KCNH5: variants seen among roughly 807,000 people sequenced by gnomAD.
The protein encoded by KCNH5 is voltage-gated delayed rectifier potassium channel KCNH5.
A neutral mutation model predicts 96.1 loss-of-function variants in KCNH5; 46 were observed. That is an observed-to-expected ratio of 0.48 (90% CI 0.38 to 0.61). The LOEUF is 0.61. KCNH5 is among the 20% of genes least tolerant of loss of function. The pLI, the probability that KCNH5 is intolerant of heterozygous loss-of-function variation, is 0.00. For missense variants in KCNH5, 907 were observed against 1,225.8 expected (o/e 0.74, Z 3.88); for synonymous variants, 439 against 449.8 (o/e 0.98, Z 0.30).
At chr14:62,801,613 T>C (rs1488153745) in intron 9 of KCNH5, among the ~76,000 whole-genome samples, 3 of 151,578 alleles carry the variant, frequency 2.0e-5, no homozygotes, top group Non-Finnish European at 4.4e-5. Flanking sequence ...ATTGTTGTGG[T>C]TGTGGTTAGT....
chr14:62,832,947 C>T (rs1479066104), intron 8 of KCNH5, among the ~76,000 whole-genome samples: 1 of 151,796 alleles, frequency 6.6e-6, no homozygotes, highest in Non-Finnish European at 1.5e-5. Flanking sequence ...GTCCTTTGCC[C>T]ATTTTTAAAT....
chr14:62,979,488 A>T (rs533590456), intron 6 of KCNH5, among the ~76,000 whole-genome samples: 68 of 152,172 alleles, frequency 4.5e-4, no homozygotes, highest in African/African-American at 1.6e-3. Flanking sequence ...AGAAAAAGTC[A>T]CTGAAGAAAA....
chr14:62,990,538 T>A (rs995592975), intron 4 of KCNH5, among the ~76,000 whole-genome samples: 5 of 152,084 alleles, frequency 3.3e-5, no homozygotes, highest in Admixed American at 3.3e-4. Context: ...AAAATAGGAC[T>A]ATCATTGATT....
At chr14:62,840,880 C>T (rs1887571793) in intron 8 of KCNH5, among the ~76,000 whole-genome samples, 1 of 152,052 alleles carries the variant, frequency 6.6e-6, no homozygotes, top group African/African-American at 2.4e-5. Context: ...CTCTTTCTTA[C>T]ATAACAATTT....
chr14:62,780,070 C>T, intron 9 of KCNH5, 146 bp from the exon 10 acceptor site: 2 of 486,676 alleles, frequency 4.1e-6, no homozygotes, highest in East Asian at 3.4e-5. Context: ...CATAACAATA[C>T]ACAATGCTTT....
chr14:62,834,757 A>T (rs957159480), intron 8 of KCNH5, among the ~76,000 whole-genome samples: 5 of 152,122 alleles, frequency 3.3e-5, no homozygotes, highest in Admixed American at 2.0e-4. Context: ...AAAAGAAAAA[A>T]TAACATTTAA....
Position 62,855,645 on chromosome 14 carries a change from T to C in KCNH5, c.1370-5793A>G, listed in dbSNP as rs546723732. 3.3e-5 allele frequency among the ~76,000 whole-genome samples: 5 copies of C among 152,334 alleles called. No individual in the cohort carries two copies. In the South Asian group the frequency reaches 1.0e-3, roughly 32 times the overall value. ...CCTGGAGGAAGAGGGTAGTGAGTCC[T>C]TTATGACACACATCACAGCCCAAGA... On this transcript the variant is annotated intron_variant, in intron 7 of 10. Transcript: ENST00000322893.
chr14:62,913,821 C>T lies in KCNH5; in HGVS notation c.1369+36312G>A, dbSNP rs1441389219. Among the ~76,000 whole-genome samples, 7 of 152,158 alleles carry T rather than the reference C, an allele frequency of 4.6e-5. No homozygotes were observed. The East Asian group carries it at 1.2e-3, about 25-fold the overall frequency. ...TTAAAGCATCTGTAGGGCAGTAATA[C>T]ACCCCTGAAGCTTTTTTAAAAAATT... On this transcript the variant is annotated intron_variant, in intron 7 of 10. Coordinates refer to ENST00000322893, the MANE Select transcript of KCNH5 (RefSeq NM_139318.5).
chr14:63,016,977 G>T (rs773798546), intron 1 of KCNH5, 23 bp from the exon 2 acceptor site: 1 of 1,590,954 alleles, frequency 6.3e-7, no homozygotes, highest in South Asian at 1.2e-5. Flanking sequence ...GGAGAAAAAA[G>T]GAGGTTATTT....
At chr14:62,897,537 A>G (rs1888838519) in intron 7 of KCNH5, among the ~76,000 whole-genome samples, 1 of 152,190 alleles carries the variant, frequency 6.6e-6, no homozygotes, top group Admixed American at 6.6e-5. Flanking sequence ...GGGGGGAAAA[A>G]AAACTGCACG....
intron 8 of KCNH5, among the ~76,000 whole-genome samples, chr14:62,812,799 A>G (rs1310005942): frequency 6.6e-6 from 1 of 152,126 alleles, no homozygotes; most frequent in Admixed American, 6.6e-5. Flanking sequence ...ACACTTATCT[A>G]TGTGTAGATA....
At chr14:62,888,130 A>T (rs1276755580) in intron 7 of KCNH5, among the ~76,000 whole-genome samples, 2 of 152,162 alleles carry the variant, frequency 1.3e-5, no homozygotes, top group Non-Finnish European at 2.9e-5. Context: ...TACTAATAAA[A>T]CCTATTTTAT....
At chr14:63,018,819 C>A (rs758307569) in intron 1 of KCNH5, among the ~76,000 whole-genome samples, 48 of 151,950 alleles carry the variant, frequency 3.2e-4, no homozygotes, top group Admixed American at 5.9e-4. Context: ...CAGAAACAAT[C>A]AAAAATTATT....
chr14:63,034,318 A>C (rs534709360), intron 1 of KCNH5, among the ~76,000 whole-genome samples: 27 of 152,312 alleles, frequency 1.8e-4, no homozygotes, highest in African/African-American at 6.5e-4. Context: ...CATATATAGC[A>C]ATTGTATTTG....
intron 8 of KCNH5, among the ~76,000 whole-genome samples, chr14:62,827,386 T>A (rs1263561616): frequency 6.6e-6 from 1 of 152,186 alleles, no homozygotes; most frequent in Non-Finnish European, 1.5e-5. Context: ...ATAATCTCCA[T>A]TTTTAACAAA....
chr14:62,708,988 G>A (rs1884506293), intron 10 of KCNH5, among the ~76,000 whole-genome samples: 1 of 152,018 alleles, frequency 6.6e-6, no homozygotes. Flanking sequence ...GCTCACGCCT[G>A]TAATCCCAGC....
intron 8 of KCNH5, among the ~76,000 whole-genome samples, chr14:62,829,520 C>T (rs900024607): frequency 1.3e-5 from 2 of 152,204 alleles, no homozygotes; most frequent in Non-Finnish European, 2.9e-5. Flanking sequence ...AAGTCACCAA[C>T]GCTTGGGGCT....
intron 7 of KCNH5, among the ~76,000 whole-genome samples, chr14:62,862,434 C>T (rs1888055489): frequency 6.6e-6 from 1 of 152,264 alleles, no homozygotes; most frequent in South Asian, 2.1e-4. Context: ...TTTGTTCATA[C>T]AGTTCCCTTG....
At chr14:62,985,649 G>A (rs1020173708) in intron 5 of KCNH5, among the ~76,000 whole-genome samples, 20 of 152,160 alleles carry the variant, frequency 1.3e-4, no homozygotes, top group African/African-American at 4.3e-4. Flanking sequence ...AAAGCTATTA[G>A]CTGCCTCAGA....
Sources: gnomAD v4.1 joint callset for allele counts (sites outside exome capture counted in the v4.1 genomes callset) on GRCh38, gnomAD v4.1.1 for gene constraint, MANE v1.5 for transcripts, NCBI Gene and HGNC (gene_info 2026-07-23, HGNC 2026-07-21) for gene names.